KAZN: variants seen among roughly 807,000 people sequenced by gnomAD.
KAZN encodes the protein kazrin, periplakin interacting protein.
A neutral mutation model predicts 87.4 loss-of-function variants in KAZN; 40 were observed. That is an observed-to-expected ratio of 0.46 (90% CI 0.36 to 0.60). The LOEUF (loss-of-function observed/expected upper bound fraction) is 0.60. KAZN is among the 20% of genes least tolerant of loss of function. KAZN has a pLI of 0.00. For missense variants in KAZN, 898 were observed against 1,073.9 expected, an observed-to-expected ratio of 0.84 and a Z score of 2.29; for synonymous variants, 466 against 458.3, an observed-to-expected ratio of 1.02 and a Z score of -0.22.
chr1:14,628,180 G>A (rs929950160), intron 1 of KAZN, among the ~76,000 whole-genome samples: 3 of 152,212 alleles, frequency 2.0e-5, no homozygotes, highest in Admixed American at 6.5e-5. Context: ...CAGTGGATCC[G>A]GGTGCAGTTC....
chr1:14,854,124 C>G (rs1333086851), intron 1 of KAZN, among the ~76,000 whole-genome samples: 1 of 152,166 alleles, frequency 6.6e-6, no homozygotes, highest in Non-Finnish European at 1.5e-5. Context: ...GACCTACCCC[C>G]CGGTTAGATC....
At chr1:14,466,849 G>A (rs1668176640) in intron 2 of KAZN, among the ~76,000 whole-genome samples, 2 of 152,062 alleles carry the variant, frequency 1.3e-5, no homozygotes, top group Non-Finnish European at 2.9e-5. Flanking sequence ...GGCGCCTGTG[G>A]TCCCAGCTAC....
At chr1:14,195,542 C>CACACAA (rs771601162) in intron 2 of KAZN, among the ~76,000 whole-genome samples, 4 of 148,532 alleles carry the variant, frequency 2.7e-5, no homozygotes, top group Non-Finnish European at 3.0e-5. Flanking sequence ...CACACACACA[C>CACACAA]AATCACTAAA....
At position 14,949,556 on chromosome 1, in the gene KAZN, G is replaced by A. The variant is rs577567400; in HGVS notation, c.227-11128G>A. On this transcript the variant is annotated intron_variant, in intron 1 of 14. Coordinates refer to ENST00000376030, the MANE Select transcript of KAZN (RefSeq NM_201628.3). This position sits in a 1 kb window ranked among gnomAD's most constrained non-coding sequence, Gnocchi z 4.3. ...CACCCCCACCCAGATGGTGTTTTTC[G>A]AGATTCACATTCCTCCTGGTGCCAG... Among the ~76,000 whole-genome samples the A allele has an allele frequency of 9.2e-5, 14 of 152,250 alleles. No individual in the cohort carries two copies. In the South Asian group the frequency reaches 1.2e-3, roughly 14 times the overall value.
chr1:15,069,449 A>G (rs1639410043), intron 8 of KAZN, among the ~76,000 whole-genome samples: 1 of 152,166 alleles, frequency 6.6e-6, no homozygotes, highest in Admixed American at 6.5e-5. Context: ...GAGCCAGGCC[A>G]TACCTTATTT....
chr1:14,406,129 A>C (rs561102336), intron 2 of KAZN, among the ~76,000 whole-genome samples: 1 of 152,180 alleles, frequency 6.6e-6, no homozygotes, highest in South Asian at 2.1e-4. Flanking sequence ...CAAAGGATAA[A>C]TGCTTGATGG....
At chr1:14,057,879 C>T (rs752098789) in intron 1 of KAZN, among the ~76,000 whole-genome samples, 15 of 152,248 alleles carry the variant, frequency 9.9e-5, no homozygotes, top group African/African-American at 2.6e-4. Flanking sequence ...TAGATATTTT[C>T]GGAAAAATTA....
intron 1 of KAZN, among the ~76,000 whole-genome samples, chr1:13,902,057 C>T (rs113086903): frequency 0.012 from 1,882 of 152,348 alleles, 33 homozygotes; most frequent in African/African-American, 0.043. Flanking sequence ...CTGATACACA[C>T]GGCCCCAGGC....
In KAZN at chr1:14,340,888, C is replaced by CTTTTTTTTTTTTTTTTTTT. The variant is rs3085672; in HGVS notation, c.249+160313_249+160314insTTTTTTTTTTTTTTTTTTT. ...ATCTCCGTAAGGGTCATGATTTTCC[C>CTTTTTTTTTTTTTTTTTTT]TTTTTTTTTTTTTTTTTGAGATGGA... is the stretch of plus-strand genomic sequence containing the variant. On this transcript the variant is annotated intron_variant, in intron 2 of 16. Coordinates refer to the KAZN transcript ENST00000636203. Among the ~76,000 whole-genome samples, 4 of 103,172 alleles carry CTTTTTTTTTTTTTTTTTTT rather than the reference C, an allele frequency of 3.9e-5. 1 individual carries two copies. The highest frequency in any genetic ancestry group is 8.1e-5 in the African/African-American group (2 of 24,732). The allele number at this position is 103,172 out of a possible 152,430, so 67.7% of individuals were successfully genotyped here.
chr1:14,056,653 G>A (rs1357700744), intron 1 of KAZN, among the ~76,000 whole-genome samples: 3 of 152,180 alleles, frequency 2.0e-5, no homozygotes, highest in East Asian at 1.9e-4. Flanking sequence ...TAAGGAGACC[G>A]AAGTTCAGAG....
intron 2 of KAZN, among the ~76,000 whole-genome samples, chr1:14,970,443 CTG>C (rs1557672234): frequency 6.6e-6 from 1 of 152,188 alleles, no homozygotes; most frequent in Non-Finnish European, 1.5e-5. Context: ...GCCCTGAAGT[CTG>C]GGGTTCTGGT....
At chr1:14,522,097 C>T (rs1671620752) in intron 2 of KAZN, among the ~76,000 whole-genome samples, 1 of 152,184 alleles carries the variant, frequency 6.6e-6, no homozygotes, top group Non-Finnish European at 1.5e-5. Context: ...AGGAAAGCCA[C>T]TCACACTCCT....
At chr1:15,107,958 GCTT>G (rs1641353886) in intron 13 of KAZN, among the ~76,000 whole-genome samples, 3 of 152,164 alleles carry the variant, frequency 2.0e-5, no homozygotes, top group Admixed American at 1.3e-4. Flanking sequence ...GTAACTGAGA[GCTT>G]CTGCCCCTGC....
chr1:14,465,473 G>C (rs1164855412), intron 2 of KAZN, among the ~76,000 whole-genome samples: 2 of 150,210 alleles, frequency 1.3e-5, no homozygotes, highest in African/African-American at 4.9e-5. Flanking sequence ...GGATTCTGCT[G>C]TACCTATCAC....
rs79800453 is a variant in KAZN, at chr1:14,027,911, G to A, written c.91+134155G>A. On this transcript the variant is annotated intron_variant, in intron 1 of 16. Transcript: ENST00000636203. ...CCAAGAGGGTTAGTCATAGAGAAGAGTCATTGGGCATGCCAGTGGGTTTAT... is the reference window on the plus strand; with the variant it reads ...CCAAGAGGGTTAGTCATAGAGAAGAATCATTGGGCATGCCAGTGGGTTTAT... Among the ~76,000 whole-genome samples, 1,518 of 152,278 alleles carry A rather than the reference G, an allele frequency of 1.0e-2. 34 individuals carry two copies. The highest frequency in any genetic ancestry group is 0.035 in the African/African-American group (1,450 of 41,540).
At chr1:14,014,227 C>T (rs147128856) in intron 1 of KAZN, among the ~76,000 whole-genome samples, 27 of 152,056 alleles carry the variant, frequency 1.8e-4, no homozygotes, top group African/African-American at 5.8e-4. Context: ...ATTGTTCTGC[C>T]GAATCTGGAA....
At chr1:14,061,980 C>T (rs1570644402) in intron 1 of KAZN, among the ~76,000 whole-genome samples, 1 of 152,150 alleles carries the variant, frequency 6.6e-6, no homozygotes, top group African/African-American at 2.4e-5. Flanking sequence ...GTCTGGAATT[C>T]ACATAATAAA....
chr1:14,388,025 T>G (rs1275465335), intron 2 of KAZN, among the ~76,000 whole-genome samples: 2 of 152,198 alleles, frequency 1.3e-5, no homozygotes, highest in African/African-American at 4.8e-5. Flanking sequence ...GGTGTGCCGT[T>G]TTTTAAGCCC....
chr1:14,890,889 G>A (rs1158911519), intron 1 of KAZN, among the ~76,000 whole-genome samples: 1 of 141,220 alleles, frequency 7.1e-6, no homozygotes, highest in Non-Finnish European at 1.5e-5. Flanking sequence ...TGTCGCCCAG[G>A]CTGGAGTGCA....
Sources: gnomAD v4.1 joint callset for allele counts (sites outside exome capture counted in the v4.1 genomes callset) on GRCh38, gnomAD v4.1.1 for gene constraint, Gnocchi (gnomAD v3.1) non-coding constraint, MANE v1.5 for transcripts, NCBI Gene and HGNC (gene_info 2026-07-23, HGNC 2026-07-21) for gene names.